NOTCH2: variants seen among roughly 807,000 people sequenced by gnomAD.
NOTCH2 encodes neurogenic locus notch homolog protein 2.
Under a neutral mutation model 235.8 loss-of-function variants are expected in NOTCH2, and 29 were observed. That is an observed-to-expected ratio of 0.12 (90% CI 0.09 to 0.17). The LOEUF is 0.17. Ranked by LOEUF, NOTCH2 falls within the 10% of genes least tolerant of loss-of-function variation. The pLI is 1.00. For synonymous variants in NOTCH2, 1,086 were observed against 1,141.5 expected (o/e 0.95, Z 0.98); for missense variants, 2,285 against 3,150.2 (o/e 0.73, Z 6.57).
chr1:119,983,792 T>A (rs1212479351), intron 5 of NOTCH2, among the ~76,000 whole-genome samples: 1 of 152,112 alleles, frequency 6.6e-6, no homozygotes, highest in Non-Finnish European at 1.5e-5. Flanking sequence ...AAGCCTTTTA[T>A]GTATATGTAG....
rs587747512 is a variant in NOTCH2, at chr1:119,966,584, C to T, written c.1454-95G>A. 12 of 829,764 alleles carry T rather than the reference C, an allele frequency of 1.4e-5. 1 individual carries two copies. The highest frequency in any genetic ancestry group is 2.5e-5 in the East Asian group (1 of 40,766). 51.4% of individuals were successfully genotyped at this position (829,764 alleles called of 1,614,324 possible). On this transcript the variant is annotated intron_variant, in intron 8 of 33. Transcript: ENST00000256646. Reference sequence around the variant, plus strand: ...TTTGCAATGATAACTACATCCTTTGCGAGTACACACATTTCTGCAGAGAAA... The same window carrying T: ...TTTGCAATGATAACTACATCCTTTGTGAGTACACACATTTCTGCAGAGAAA...
chr1:119,937,466 C>A lies in NOTCH2; in HGVS notation c.3338G>T (p.Gly1113Val), dbSNP rs1649898768. The A allele has an allele frequency of 1.2e-6, 2 of 1,613,010 alleles. No individual in the cohort carries two copies. Among genetic ancestry groups the A allele is most frequent in the Middle Eastern group, 1.8e-4 (1 of 5,484 alleles). ...VSCDIAASRRGVLVEHLCQHS... is the reference protein window; with the variant it reads ...VSCDIAASRRVVLVEHLCQHS... The stretch of plus-strand genomic sequence containing the variant: ...CTGGCACAAGTGTTCAACAAGCACA[C>A]CTGGGAAACCCAGTGAGGGAGAAAT... The change falls in exon 21 of 34, where the codon GGT becomes GTT. Residue 1113 changes from glycine to valine, a missense_variant and splice_region_variant. Transcript: ENST00000256646.
chr1:120,013,557 C>T (rs1292969695), intron 2 of NOTCH2, among the ~76,000 whole-genome samples: 267 of 150,372 alleles, frequency 1.8e-3, no homozygotes, highest in African/African-American at 6.5e-3. Context: ...TCCATCTCTA[C>T]TCTGTGATCT....
intron 15 of NOTCH2, 72 bp from the exon 16 acceptor site, chr1:119,949,198 T>C (rs1359387530): frequency 2.6e-6 from 4 of 1,527,288 alleles, no homozygotes; most frequent in East Asian, 4.5e-5. Context: ...ATCCCAAGGA[T>C]GTTCTCTGAA....
At chr1:120,033,819 G>A (rs1654198013) in intron 1 of NOTCH2, among the ~76,000 whole-genome samples, 1 of 151,938 alleles carries the variant, frequency 6.6e-6, no homozygotes, top group Non-Finnish European at 1.5e-5. Context: ...TTGAGATGAA[G>A]GATACACTAA....
In NOTCH2 at chr1:119,966,381, G is replaced by A. The variant is rs201925674; in HGVS notation, c.1562C>T (p.Pro521Leu). The A allele has an allele frequency of 1.2e-6, 2 of 1,611,472 alleles. No individual in the cohort carries two copies. The highest frequency in any genetic ancestry group is 1.7e-6 in the Non-Finnish European group (2 of 1,177,640). ...DKVNRFQCLC[P>L]PGFTGPVCQI... ...GCCAGGTCGTGGGCACTTACCAGGAGGACACAGGCACTGGAAACGATTGAC... is the reference window on the plus strand; with the variant it reads ...GCCAGGTCGTGGGCACTTACCAGGAAGACACAGGCACTGGAAACGATTGAC... Residue 521 changes from proline to leucine, a missense_variant, in exon 9 of 34, where the codon CCT (proline) becomes CTT (leucine). Physicochemically the swap from Pro to Leu is moderately conservative, Grantham distance 98. Coordinates refer to ENST00000256646, the MANE Select transcript of NOTCH2 (RefSeq NM_024408.4).
chr1:119,949,334 G>T (rs587776313), intron 15 of NOTCH2, among the ~76,000 whole-genome samples: 24 of 147,064 alleles, frequency 1.6e-4, no homozygotes, highest in African/African-American at 5.7e-4. Context: ...CTACAACTGT[G>T]ATTTTATGAA....
At chr1:119,984,529 G>A (rs1410115879) in intron 5 of NOTCH2, among the ~76,000 whole-genome samples, 1 of 152,102 alleles carries the variant, frequency 6.6e-6, no homozygotes, top group African/African-American at 2.4e-5. Context: ...CTAGATTCCT[G>A]CTCCATTCAC....
Position 119,971,705 on chromosome 1 carries a change from T to C in NOTCH2, c.875-1961A>G, listed in dbSNP as rs148704751. Among the ~76,000 whole-genome samples the C allele has an allele frequency of 1.6e-3, 244 of 152,008 alleles. 1 individual carries two copies. Among genetic ancestry groups the C allele is most frequent in the Middle Eastern group, 3.4e-3 (1 of 294 alleles). On this transcript the variant is annotated intron_variant, in intron 5 of 33. Coordinates refer to ENST00000256646, the MANE Select transcript of NOTCH2 (RefSeq NM_024408.4). ...TGCCACTGCACCCCAGTCTGGACAA[T>C]AGAGCAAGACCCTGTCTCAAAAAAA...
intron 3 of NOTCH2, among the ~76,000 whole-genome samples, chr1:119,999,795 T>C (rs1652638248): frequency 6.6e-6 from 1 of 151,656 alleles, no homozygotes; most frequent in East Asian, 1.9e-4. Context: ...GGCACAAGAA[T>C]CACTCGAACC....
chr1:119,926,606 G>C lies in NOTCH2; in HGVS notation c.3898C>G (p.His1300Asp), dbSNP rs150035241. The C allele has an allele frequency of 6.2e-7, 1 of 1,603,420 alleles. No individual in the cohort carries two copies. Among genetic ancestry groups the C allele is most frequent in the Non-Finnish European group, 8.5e-7 (1 of 1,173,550 alleles). Residue 1300 changes from histidine to aspartate, a missense_variant, in exon 24 of 34, where the codon CAC becomes GAC. By Grantham distance (81) the His-to-Asp change is moderately conservative (BLOSUM62 -1). Around this residue, in one of 6 missense-constraint regions of NOTCH2, gnomAD observed 1,173 missense variants for 1,515.3 expected, o/e 0.77. Transcript: ENST00000256646. ...CACACATCGACGAAGGTTTCACAGTGCCGGCCTCAGAAAATAAAAAATAAA... is the reference window on the plus strand; with the variant it reads ...CACACATCGACGAAGGTTTCACAGTCCCGGCCTCAGAAAATAAAAAATAAA... Reference protein sequence around the residue: ...CVCRSAFTGRHCETFVDVCPQ... With the variant: ...CVCRSAFTGRDCETFVDVCPQ...
chr1:119,997,088 G>T lies in NOTCH2; in HGVS notation c.660C>A (p.Ser220Arg), dbSNP rs112650847. The T allele has an allele frequency of 1.9e-6, 3 of 1,614,010 alleles. No individual in the cohort carries two copies. The highest frequency in any genetic ancestry group is 1.7e-6 in the Non-Finnish European group (2 of 1,179,854). The change falls in exon 4 of 34, where the codon AGC becomes AGA. Residue 220 changes from serine to arginine, a missense_variant. Ser to Arg is a moderately radical substitution (Grantham distance 110). Coordinates refer to ENST00000256646, the MANE Select transcript of NOTCH2 (RefSeq NM_024408.4). Reference protein sequence around the residue: ...PQGFTGQYCDSLYVPCAPSPC... With the variant: ...PQGFTGQYCDRLYVPCAPSPC... ...GTGAGGGTGCACAGGGCACATACAG[G>T]CTGTCACAGTACTGGCCTGTGAAGC... is the stretch of plus-strand genomic sequence containing the variant.
chr1:119,965,358 C>A, intron 10 of NOTCH2, 95 bp downstream of exon 10: 1 of 987,288 alleles, frequency 1.0e-6, no homozygotes, highest in South Asian at 1.3e-5. Flanking sequence ...TGGGAGTGGA[C>A]TGGCCTGGCA....
rs1317774332 is a variant in NOTCH2 at position 120,003,508 on chromosome 1, C to T, written c.415+1821G>A. Among the ~76,000 whole-genome samples the T allele has an allele frequency of 2.6e-5, 4 of 152,040 alleles. No homozygotes were observed. The East Asian group carries it at 7.7e-4, about 29-fold the overall frequency. ...TTAATATAACAGTATTCTACACTAACTGATCCAGTATAGTTTTCTGAGTAC... is the reference window on the plus strand; with the variant it reads ...TTAATATAACAGTATTCTACACTAATTGATCCAGTATAGTTTTCTGAGTAC... On this transcript the variant is annotated intron_variant, in intron 3 of 33. Transcript: ENST00000256646.
intron 22 of NOTCH2, among the ~76,000 whole-genome samples, chr1:119,931,226 C>T (rs587687209): frequency 2.6e-5 from 4 of 150,944 alleles, no homozygotes; most frequent in Admixed American, 2.6e-4. Flanking sequence ...GCCCAATTTT[C>T]AAAAGCAATT....
intron 2 of NOTCH2, among the ~76,000 whole-genome samples, chr1:120,008,600 TA>T (rs1222287703): frequency 3.4e-5 from 4 of 117,484 alleles, no homozygotes; most frequent in Non-Finnish European, 5.4e-5. Flanking sequence ...CCTGCAAAAA[TA>T]ATTACTCTCT....
intron 22 of NOTCH2, among the ~76,000 whole-genome samples, chr1:119,932,253 G>A (rs892707588): frequency 1.3e-5 from 2 of 152,024 alleles, no homozygotes; most frequent in African/African-American, 4.8e-5. Flanking sequence ...GTTAAAATAT[G>A]GTATGCCTGT....
At chr1:120,030,927 A>G (rs1553210898) in intron 1 of NOTCH2, among the ~76,000 whole-genome samples, 2 of 78,438 alleles carry the variant, frequency 2.5e-5, no homozygotes, top group Middle Eastern at 0.011. Flanking sequence ...ACCAAAATAC[A>G]TATCAAGAAC....
chr1:119,915,931 T>C lies in NOTCH2; in HGVS notation c.6791A>G (p.Tyr2264Cys), dbSNP rs1649052114. The C allele has an allele frequency of 6.2e-7, 1 of 1,614,192 alleles. No homozygotes were observed. Among genetic ancestry groups the C allele is most frequent in the Non-Finnish European group, 8.5e-7 (1 of 1,180,042 alleles). ...MNRMEVNETQ[Y>C]NEMFGMVLAP... ...CAGGACCATACCAAACATCTCATTG[T>C]ACTGGGTCTCATTCACCTCCATGCG... The change falls in exon 34 of 34, where the codon TAC (tyrosine) becomes TGC (cysteine). Residue 2264 changes from tyrosine to cysteine, a missense_variant. Transcript: ENST00000256646.
Sources: gnomAD v4.1 joint callset for allele counts (sites outside exome capture counted in the v4.1 genomes callset) on GRCh38, gnomAD v4.1.1 for gene constraint, gnomAD v4.1.1 regional missense constraint, MANE v1.5 for transcripts, NCBI Gene and HGNC (gene_info 2026-07-23, HGNC 2026-07-21) for gene names.